The following ARHGAP28 variants were observed in gnomAD, a reference collection of about 807,000 sequenced individuals.
The protein encoded by ARHGAP28 is rho GTPase-activating protein 28.
In ARHGAP28, 56 loss-of-function variants were observed where a neutral mutation model predicts 90.7. The ratio of observed to expected loss-of-function variants is 0.62; its 90% CI spans 0.50 to 0.77. The LOEUF (loss-of-function observed/expected upper bound fraction) is 0.77. Among genes scored for constraint, ARHGAP28 ranks in the 30% least tolerant of loss-of-function variants. ARHGAP28 has a pLI of 0.00. For missense variants in ARHGAP28, 869 were observed against 900.9 expected (o/e 0.96, Z 0.45); for synonymous variants, 308 against 323.3 (o/e 0.95, Z 0.51).
chr18:6,823,601 AT>A (rs141094607), intron 1 of ARHGAP28, among the ~76,000 whole-genome samples: 30,804 of 129,966 alleles, frequency 0.24, 3,242 homozygotes, highest in African/African-American at 0.34. Flanking sequence ...GTGGCTCTTA[AT>A]TTTTTTTTTT....
At chr18:6,898,357 T>G in intron 16 of ARHGAP28, 1 of 645,724 alleles carries the variant, frequency 1.5e-6, no homozygotes, top group African/African-American at 1.9e-5. Context: ...TCAAGTTGTA[T>G]ACTTCTGACT....
At chr18:6,878,272 A>G (rs2057148843) in intron 10 of ARHGAP28, among the ~76,000 whole-genome samples, 1 of 147,018 alleles carries the variant, frequency 6.8e-6, no homozygotes, top group Non-Finnish European at 1.5e-5. Flanking sequence ...GCATGTTCTC[A>G]CTCATAGATG....
At chr18:6,814,773 T>C (rs1277089329) in intron 1 of ARHGAP28, among the ~76,000 whole-genome samples, 1 of 152,216 alleles carries the variant, frequency 6.6e-6, no homozygotes, top group African/African-American at 2.4e-5. Flanking sequence ...AATATGTACT[T>C]ACTTTTGATA....
chr18:6,890,507 C>A lies in ARHGAP28; in HGVS notation c.1812C>A (p.Val604=). The A allele has an allele frequency of 6.2e-7, 1 of 1,613,172 alleles. No individual in the cohort carries two copies. Among genetic ancestry groups the A allele is most frequent in the East Asian group, 2.2e-5 (1 of 44,858 alleles). ...TMLLKKQLPS[V]RKLLRRKTLE... ...TATTGAAGAAGCAGCTCCCAAGTGT[C>A]AGGAAGCTGCTCAGGAGGAAGACCC... The change falls in exon 14 of 18, where the codon GTC becomes GTA. Residue 604 remains valine (V), a synonymous_variant. Transcript: ENST00000383472.
chr18:6,761,487 C>T (rs544508128), intron 1 of ARHGAP28, among the ~76,000 whole-genome samples: 1 of 152,240 alleles, frequency 6.6e-6, no homozygotes, highest in East Asian at 1.9e-4. Flanking sequence ...GTGAAGGAAA[C>T]AGTATTGATG....
At chr18:6,853,711 G>A (rs941667328) in intron 4 of ARHGAP28, among the ~76,000 whole-genome samples, 2 of 152,066 alleles carry the variant, frequency 1.3e-5, no homozygotes, top group African/African-American at 4.8e-5. Flanking sequence ...CTGACCTTAG[G>A]TGATCCACCC....
chr18:6,855,130 C>T (rs570112275), intron 4 of ARHGAP28, among the ~76,000 whole-genome samples: 1 of 152,322 alleles, frequency 6.6e-6, no homozygotes, highest in South Asian at 2.1e-4. Flanking sequence ...AGGTGGGAGG[C>T]AGACAGGTTG....
chr18:6,809,351 GT>G (rs1427429643), intron 1 of ARHGAP28, among the ~76,000 whole-genome samples: 6 of 152,114 alleles, frequency 3.9e-5, no homozygotes, highest in African/African-American at 1.4e-4. Context: ...TAAAGTATTT[GT>G]TTTGGCTCCA....
intron 1 of ARHGAP28, among the ~76,000 whole-genome samples, chr18:6,744,916 T>G (rs2056009778): frequency 6.6e-6 from 1 of 151,708 alleles, no homozygotes; most frequent in African/African-American, 2.4e-5. Flanking sequence ...AAAGATAAAT[T>G]TTATTAATAT....
intron 1 of ARHGAP28, among the ~76,000 whole-genome samples, chr18:6,783,930 C>T (rs993669345): frequency 6.6e-6 from 1 of 152,214 alleles, no homozygotes; most frequent in Non-Finnish European, 1.5e-5. Context: ...ACCACTCCCT[C>T]CCTTTGGGCT....
At chr18:6,821,642 A>C (rs1305779482) in intron 1 of ARHGAP28, among the ~76,000 whole-genome samples, 1 of 152,172 alleles carries the variant, frequency 6.6e-6, no homozygotes, top group Non-Finnish European at 1.5e-5. Flanking sequence ...TCTTATCCCC[A>C]AAAATGCTGT....
intron 5 of ARHGAP28, among the ~76,000 whole-genome samples, chr18:6,862,055 ACTTGACTTAC>A (rs555154479): frequency 1.4e-4 from 22 of 152,198 alleles, no homozygotes; most frequent in Non-Finnish European, 3.2e-4. Context: ...CTGGCCTTCG[ACTTGACTTAC>A]CTTGGATTGT....
rs575130770 is a variant in ARHGAP28 at position 6,804,939 on chromosome 18, G to A, written c.123-19823G>A. On this transcript the variant is annotated intron_variant, in intron 1 of 17. Transcript: ENST00000383472. ...TGTCTTTTATATACTTACTTATTTA[G>A]TATCTACCTGTTCTATAGATTATTG... is the stretch of plus-strand genomic sequence containing the variant. Among the ~76,000 whole-genome samples, 119 of 152,252 alleles carry A rather than the reference G, an allele frequency of 7.8e-4. 1 individual carries two copies. The highest frequency in any genetic ancestry group is 2.6e-3 in the African/African-American group (110 of 41,570).
Position 6,802,657 on chromosome 18 carries a change from G to C in ARHGAP28, c.123-22105G>C, listed in dbSNP as rs2056490731. ...CCACCATGCCCAGCCTATTTTTTTTGTGTTTGTGTTTTGAGGAACTTCTAT... is the reference window on the plus strand; with the variant it reads ...CCACCATGCCCAGCCTATTTTTTTTCTGTTTGTGTTTTGAGGAACTTCTAT... On this transcript the variant is annotated intron_variant, in intron 1 of 17. Transcript: ENST00000383472. Among the ~76,000 whole-genome samples, 3 of 151,804 alleles carry C rather than the reference G, an allele frequency of 2.0e-5. No homozygotes were observed. The South Asian group carries it at 6.2e-4, about 32-fold the overall frequency.
intron 1 of ARHGAP28, among the ~76,000 whole-genome samples, chr18:6,768,871 T>A (rs1190039365): frequency 6.6e-6 from 1 of 152,140 alleles, no homozygotes; most frequent in African/African-American, 2.4e-5. Flanking sequence ...TAGGACTCAC[T>A]CAGCATTCCC....
At chr18:6,907,128 A>C (rs1450025472) in intron 16 of ARHGAP28, among the ~76,000 whole-genome samples, 1 of 152,236 alleles carries the variant, frequency 6.6e-6, no homozygotes. Flanking sequence ...ACCTGTGAGA[A>C]TGGCTAAAAT....
At chr18:6,730,720 A>C (rs7237204) in intron 1 of ARHGAP28, among the ~76,000 whole-genome samples, 80,446 of 151,356 alleles carry the variant, frequency 0.53, 21,527 homozygotes, top group South Asian at 0.71. Flanking sequence ...AGACAAAAGT[A>C]TTATGATGAG....
chr18:6,886,123 C>T (rs1344173399), intron 11 of ARHGAP28, among the ~76,000 whole-genome samples: 1 of 152,148 alleles, frequency 6.6e-6, no homozygotes, highest in Non-Finnish European at 1.5e-5. Flanking sequence ...ACGCACAGCT[C>T]CAGTAACCTA....
intron 17 of ARHGAP28, among the ~76,000 whole-genome samples, chr18:6,909,432 G>A (rs1464362973): frequency 6.6e-6 from 1 of 151,218 alleles, no homozygotes; most frequent in Admixed American, 6.6e-5. Context: ...AGCTGGGATT[G>A]CAGATGCCCG....
Sources: gnomAD v4.1 joint callset for allele counts (sites outside exome capture counted in the v4.1 genomes callset) on GRCh38, gnomAD v4.1.1 for gene constraint, MANE v1.5 for transcripts, NCBI Gene and HGNC (gene_info 2026-07-23, HGNC 2026-07-21) for gene names.